Variants in NUP155 observed in about 807,000 individuals in gnomAD.
The protein encoded by NUP155 is nuclear pore complex protein Nup155.
NUP155 carries 71 observed loss-of-function variants against 180.4 expected under a neutral mutation model. That is an observed-to-expected ratio of 0.39 (90% CI 0.33 to 0.48). The LOEUF is 0.48. Ranked by LOEUF, NUP155 falls within the 20% of genes least tolerant of loss-of-function variation. The pLI is 0.91. For missense variants in NUP155, 1,553 were observed against 1,648.9 expected, an observed-to-expected ratio of 0.94 and a Z score of 1.01; for synonymous variants, 582 against 559.5, an observed-to-expected ratio of 1.04 and a Z score of -0.57.
chr5:37,323,332 T>C (rs999616259), intron 20 of NUP155, among the ~76,000 whole-genome samples: 2 of 152,110 alleles, frequency 1.3e-5, no homozygotes, highest in African/African-American at 4.8e-5. Context: ...ATATCAGCAT[T>C]CTTATTAGCC....
At chr5:37,296,161 C>A (rs1742553790) in intron 32 of NUP155, among the ~76,000 whole-genome samples, 2 of 152,188 alleles carry the variant, frequency 1.3e-5, no homozygotes, top group South Asian at 2.1e-4. Context: ...CGGCCACCAC[C>A]CCATCTGGGA....
At chr5:37,309,385 A>C in intron 23 of NUP155, 118 bp from the exon 24 acceptor site, 61 of 818,226 alleles carry the variant, frequency 7.5e-5, no homozygotes, top group East Asian at 1.1e-4. Context: ...TTAAAATGAA[A>C]ACAACTCTAC....
In NUP155 at chr5:37,356,891, T is replaced by G. The variant is rs564518563; in HGVS notation, c.463+1190A>C. Among the ~76,000 whole-genome samples, 37 of 152,244 alleles carry G rather than the reference T, an allele frequency of 2.4e-4. 1 individual carries two copies. In the Middle Eastern group the frequency reaches 0.01, roughly 42 times the overall value. ...GGGAGGCCAAGGTAGGCAAATCACC[T>G]GAGGTCAACAGTTCAAAACCAGCCT... On this transcript the variant is annotated intron_variant, in intron 4 of 34. Transcript: ENST00000231498.
rs1742121856 is a variant in NUP155, at chr5:37,288,772, G to GGGGGGGTGC, written c.*3127_*3128insGCACCCCCC. On this transcript the variant is annotated 3_prime_UTR_variant, in exon 35 of 35. Coordinates refer to ENST00000231498, the MANE Select transcript of NUP155 (RefSeq NM_153485.3). The stretch of plus-strand genomic sequence containing the variant: ...TAAAAAAAAAAAAAAAAAAAAAGTA[G>GGGGGGGTGC]GGGGGGTGGGGCTAGGCGCAGTGGC... The GGGGGGGTGC allele has an allele frequency of 6.5e-5, 1 of 15,352 alleles. No individual in the cohort carries two copies. The highest frequency in any genetic ancestry group is 1.0e-3 in the Non-Finnish European group (1 of 962). The allele number at this position is 15,352 out of a possible 1,614,324, so 1.0% of individuals were successfully genotyped here. A position where few individuals can be genotyped will look rare whatever the true frequency, so the allele number is the denominator to read the frequency against.
In NUP155 at chr5:37,303,228, T is replaced by C. The variant is rs1581134164; in HGVS notation, c.3317+32A>G. On this transcript the variant is annotated intron_variant, in intron 28 of 34. Transcript: ENST00000231498. The stretch of plus-strand genomic sequence containing the variant: ...TAAGTACATATAGCTCAGTTTTGAA[T>C]CATTCTTCACAATAAGAATATTATG... 1.6e-5 allele frequency: 26 copies of C among 1,610,082 alleles called. No individual in the cohort carries two copies. In the East Asian group the frequency reaches 5.8e-4, roughly 36 times the overall value.
At chr5:37,330,209 T>G in intron 14 of NUP155, 77 bp from the exon 15 acceptor site, 1 of 971,384 alleles carries the variant, frequency 1.0e-6, no homozygotes, top group Admixed American at 2.0e-5. Context: ...GATGCAGTAT[T>G]AAAGTCTGTA....
chr5:37,371,057 G>C lies in NUP155; in HGVS notation c.-80C>G, dbSNP rs1278298436. ...AGAAAAGATCCAAGAAGTTAGCTTA[G>C]ATCCGCCGCCTAGGGCGCGCGCGCC... On this transcript the variant is annotated 5_prime_UTR_variant, in exon 1 of 35. It adds an upstream start codon to the 5' untranslated region. Coordinates refer to ENST00000231498, the MANE Select transcript of NUP155 (RefSeq NM_153485.3). 1.0e-5 allele frequency: 15 copies of C among 1,507,492 alleles called. No homozygotes were observed. The highest frequency in any genetic ancestry group is 1.4e-5 in the Non-Finnish European group (15 of 1,099,794). The allele number at this position is 1,507,492 out of a possible 1,614,324, so 93.4% of individuals were successfully genotyped here. A position where few individuals can be genotyped will look rare whatever the true frequency, so the allele number is the denominator to read the frequency against.
intron 1 of NUP155, 128 bp from the exon 2 acceptor site, chr5:37,364,512 G>T: frequency 1.3e-6 from 1 of 797,292 alleles, no homozygotes; most frequent in Non-Finnish European, 2.2e-6. Flanking sequence ...TTCTAGTTTT[G>T]ACCCAACACA....
Position 37,293,721 on chromosome 5 carries a change from C to A in NUP155, c.3930+608G>T, listed in dbSNP as rs574562980. Among the ~76,000 whole-genome samples, 7 of 77,580 alleles carry A rather than the reference C, an allele frequency of 9.0e-5. 1 individual carries two copies. The highest frequency in any genetic ancestry group is 1.5e-4 in the Non-Finnish European group (7 of 47,988). The allele number at this position is 77,580 out of a possible 152,430, so 50.9% of individuals were successfully genotyped here. ...TTTAAAGCAAATGATGATTCTTGGC[C>A]GGGCGCGGTGGCTCACGCCTGTAAT... is the stretch of plus-strand genomic sequence containing the variant. On this transcript the variant is annotated intron_variant, in intron 33 of 34. Transcript: ENST00000231498.
intron 34 of NUP155, among the ~76,000 whole-genome samples, chr5:37,292,557 C>T (rs1186906249): frequency 2.0e-5 from 3 of 152,040 alleles, no homozygotes; most frequent in South Asian, 4.1e-4. Flanking sequence ...GAGATGATTC[C>T]TGCTAATATT....
chr5:37,300,981 G>C, intron 30 of NUP155: 1 of 184,314 alleles, frequency 5.4e-6, no homozygotes, highest in Admixed American at 5.4e-5. Flanking sequence ...ATGCCACCAC[G>C]CCTGGCTAAT....
intron 4 of NUP155, among the ~76,000 whole-genome samples, chr5:37,357,140 C>T (rs1187312329): frequency 2.0e-5 from 3 of 151,432 alleles, no homozygotes; most frequent in Non-Finnish European, 2.9e-5. Flanking sequence ...TGGCCAGGTG[C>T]AGTGGCTCAC....
intron 31 of NUP155, 58 bp from the exon 32 acceptor site, chr5:37,299,036 C>T: frequency 1.1e-6 from 1 of 942,248 alleles, no homozygotes; most frequent in Non-Finnish European, 1.7e-6. Flanking sequence ...GAAATGTTTA[C>T]ATTGGTTATT....
At position 37,305,040 on chromosome 5, in the gene NUP155, T is replaced by TGTCCC. The variant is rs1461265696; in HGVS notation, c.3057+16_3057+17insGGGAC. ...AAACAGTGTATTCTCAGAATGAAAA[T>TGTCCC]ATACTATGTCCCTTACATGATGTCC... On this transcript the variant is annotated intron_variant, in intron 26 of 34. Coordinates refer to ENST00000231498, the MANE Select transcript of NUP155 (RefSeq NM_153485.3). 1.2e-6 allele frequency: 2 copies of TGTCCC among 1,612,544 alleles called. No homozygotes were observed. Among genetic ancestry groups the TGTCCC allele is most frequent in the Non-Finnish European group, 8.5e-7 (1 of 1,179,654 alleles).
At position 37,341,120 on chromosome 5, in the gene NUP155, A is replaced by C. The variant is rs1464028602; in HGVS notation, c.1216T>G (p.Ser406Ala). ...CTATAAAGAGCTCTATGTACTTTTG[A>C]AGGCTTTTCCACGGTTGAAGATGCT... is the stretch of plus-strand genomic sequence containing the variant. ...FSASSTVEKP[S>A]KVHRALYSKG... is the part of the protein sequence containing the mutation. The change falls in exon 11 of 35, where the codon TCA becomes GCA. Residue 406 changes from serine to alanine, a missense_variant. Coordinates refer to ENST00000231498, the MANE Select transcript of NUP155 (RefSeq NM_153485.3). The C allele has an allele frequency of 6.2e-7, 1 of 1,613,584 alleles. No homozygotes were observed. Among genetic ancestry groups the C allele is most frequent in the Non-Finnish European group, 8.5e-7 (1 of 1,179,622 alleles).
At chr5:37,323,558 C>A (rs1380556212) in intron 20 of NUP155, among the ~76,000 whole-genome samples, 1 of 151,054 alleles carries the variant, frequency 6.6e-6, no homozygotes, top group African/African-American at 2.4e-5. Context: ...ATAAATATTT[C>A]TATATTCCAT....
chr5:37,308,054 G>T (rs1195298611), intron 24 of NUP155, among the ~76,000 whole-genome samples: 2 of 151,504 alleles, frequency 1.3e-5, no homozygotes, highest in African/African-American at 4.9e-5. Context: ...AAATACCTTG[G>T]GATTCAAAAT....
intron 1 of NUP155, among the ~76,000 whole-genome samples, chr5:37,364,774 C>T (rs1397676859): frequency 6.6e-6 from 1 of 151,726 alleles, no homozygotes; most frequent in Non-Finnish European, 1.5e-5. Context: ...GTAGCTGAGA[C>T]TACAGGCGTC....
Position 37,333,561 on chromosome 5 carries a change from TA to T in NUP155, c.1419del (p.Thr474HisfsTer3). On this transcript the variant is annotated frameshift_variant, in exon 13 of 35. Coordinates refer to ENST00000231498, the MANE Select transcript of NUP155 (RefSeq NM_153485.3). LOFTEE classifies it high-confidence loss of function. ...AIDELKVDKI[I>X]TPLNKDHIPI... ...GGAATATGATCCTTGTTTAAAGGTG[TA>T]ATTATTTTATCTACTTTCAATTCAT... 6.2e-7 allele frequency: 1 copy of T among 1,613,594 alleles called. No homozygotes were observed. Among genetic ancestry groups the T allele is most frequent in the Non-Finnish European group, 8.5e-7 (1 of 1,179,512 alleles).
Sources: gnomAD v4.1 joint callset for allele counts (sites outside exome capture counted in the v4.1 genomes callset) on GRCh38, gnomAD v4.1.1 for gene constraint, MANE v1.5 for transcripts, NCBI Gene and HGNC (gene_info 2026-07-23, HGNC 2026-07-21) for gene names.